Variants in RANBP2 observed in about 807,000 individuals in gnomAD.
The protein encoded by RANBP2 is E3 SUMO-protein ligase RanBP2.
In RANBP2, 57 loss-of-function variants were observed where a neutral mutation model predicts 303.6. That is an observed-to-expected ratio of 0.19 (90% CI 0.15 to 0.23). The LOEUF is 0.23. RANBP2 is among the 10% of genes least tolerant of loss of function. The pLI is 1.00. For missense variants in RANBP2, 3,138 were observed against 3,780.8 expected (o/e 0.83, Z 4.46); for synonymous variants, 1,167 against 1,301.5 (o/e 0.90, Z 2.23).
chr2:109,199,340 G>C, the RANBP2 span, among the ~76,000 whole-genome samples: 11 of 472 alleles, frequency 0.023, no homozygotes, highest in African/African-American at 0.061. Context: ...AAATGGAATG[G>C]AATGGAATGG....
At chr2:109,212,497 G>A in the RANBP2 span, among the ~76,000 whole-genome samples, 2 of 152,184 alleles carry the variant, frequency 1.3e-5, no homozygotes, top group African/African-American at 4.8e-5. Context: ...GAGGCTTTCC[G>A]ACAGCTCCAG....
chr2:109,683,573 T>C, the RANBP2 span, among the ~76,000 whole-genome samples: 7 of 152,116 alleles, frequency 4.6e-5, no homozygotes, highest in Non-Finnish European at 8.8e-5. Context: ...CCCATGTTCA[T>C]GTTGGCTGGG....
At chr2:109,562,149 G>A in the RANBP2 span, among the ~76,000 whole-genome samples, 3 of 151,916 alleles carry the variant, frequency 2.0e-5, no homozygotes, top group Admixed American at 1.3e-4. Flanking sequence ...GGAGGCAGAG[G>A]TTGCAGTGAG....
At chr2:109,083,633 C>T in the RANBP2 span, among the ~76,000 whole-genome samples, 6 of 152,160 alleles carry the variant, frequency 3.9e-5, 1 homozygote, top group Admixed American at 3.9e-4. Context: ...AAATATCTCT[C>T]GGGGACTCTG....
chr2:109,697,810 C>T, the RANBP2 span, among the ~76,000 whole-genome samples: 2 of 147,978 alleles, frequency 1.4e-5, no homozygotes, highest in African/African-American at 5.1e-5. Context: ...TATTCATTAT[C>T]TTAGGAGGAA....
At chr2:109,418,937 C>A in the RANBP2 span, among the ~76,000 whole-genome samples, 1 of 152,108 alleles carries the variant, frequency 6.6e-6, no homozygotes, top group Non-Finnish European at 1.5e-5. Context: ...CTCCCTCGGC[C>A]CCCCCACTGT....
the RANBP2 span, among the ~76,000 whole-genome samples, chr2:109,179,800 CAT>C: frequency 1.3e-5 from 2 of 152,182 alleles, no homozygotes; most frequent in Admixed American, 1.3e-4. Context: ...GTTTTCAACA[CAT>C]AAGATCTGGG....
the RANBP2 span, among the ~76,000 whole-genome samples, chr2:109,490,365 C>T: frequency 1.3e-5 from 2 of 152,202 alleles, no homozygotes; most frequent in African/African-American, 4.8e-5. Context: ...CCTGGTGTGC[C>T]TGCAAGCGTC....
At chr2:108,974,125 C>T in the RANBP2 span, among the ~76,000 whole-genome samples, 6 of 147,092 alleles carry the variant, frequency 4.1e-5, no homozygotes, top group South Asian at 2.2e-4. Flanking sequence ...GTCAGGAGAT[C>T]GAGACCATCC....
the RANBP2 span, among the ~76,000 whole-genome samples, chr2:108,979,715 A>G: frequency 2.6e-5 from 4 of 152,130 alleles, no homozygotes; most frequent in South Asian, 6.2e-4. Flanking sequence ...GGAGGGCTTG[A>G]GCAGGTCCAG....
At chr2:109,345,692 A>G in the RANBP2 span, among the ~76,000 whole-genome samples, 2 of 152,234 alleles carry the variant, frequency 1.3e-5, no homozygotes, top group Non-Finnish European at 2.9e-5. Flanking sequence ...CCTCATGAAA[A>G]TAAATGTTAT....
At chr2:109,410,405 G>C in the RANBP2 span, among the ~76,000 whole-genome samples, 1 of 152,228 alleles carries the variant, frequency 6.6e-6, no homozygotes, top group Non-Finnish European at 1.5e-5. Context: ...CCCTGACCTC[G>C]GTGCGGAGGG....
chr2:109,518,642 A>G, the RANBP2 span, among the ~76,000 whole-genome samples: 5 of 152,168 alleles, frequency 3.3e-5, no homozygotes, highest in Admixed American at 6.5e-5. Flanking sequence ...AAAATTTCCA[A>G]CTGAACTTTG....
the RANBP2 span, among the ~76,000 whole-genome samples, chr2:108,797,684 T>G: frequency 6.6e-6 from 1 of 152,164 alleles, no homozygotes; most frequent in Non-Finnish European, 1.5e-5. Context: ...AGGAGAAGCA[T>G]GTATATATGT....
the RANBP2 span, among the ~76,000 whole-genome samples, chr2:109,136,496 G>A: frequency 6.6e-6 from 1 of 152,246 alleles, no homozygotes; most frequent in South Asian, 2.1e-4. Flanking sequence ...TTCCCATTGA[G>A]TGAAGTTGGA....
chr2:108,912,244 C>T, the RANBP2 span, among the ~76,000 whole-genome samples: 1 of 152,228 alleles, frequency 6.6e-6, no homozygotes, highest in Non-Finnish European at 1.5e-5. Flanking sequence ...CCTCCTCAAT[C>T]CCTTCTTCCC....
chr2:109,657,731 T>G, the RANBP2 span, among the ~76,000 whole-genome samples: 1 of 145,310 alleles, frequency 6.9e-6, no homozygotes. Flanking sequence ...TTTTTTTTTT[T>G]TTTTTTGAGA....
the RANBP2 span, among the ~76,000 whole-genome samples, chr2:109,080,295 G>C: frequency 2.6e-5 from 4 of 152,146 alleles, no homozygotes; most frequent in Admixed American, 6.5e-5. Flanking sequence ...CAGAGGCTGG[G>C]GTTGAGGCTG....
the RANBP2 span, among the ~76,000 whole-genome samples, chr2:108,794,128 T>C: frequency 6.6e-6 from 1 of 152,180 alleles, no homozygotes; most frequent in African/African-American, 2.4e-5. Context: ...GCAAGGACTT[T>C]TAAGATTAAG....
Sources: gnomAD v4.1 joint callset for allele counts (sites outside exome capture counted in the v4.1 genomes callset) on GRCh38, gnomAD v4.1.1 for gene constraint, MANE v1.5 for transcripts, NCBI Gene and HGNC (gene_info 2026-07-23, HGNC 2026-07-21) for gene names.